The following PCF11 variants were observed in gnomAD, a reference collection of about 807,000 sequenced individuals.
PCF11 encodes pre-mRNA cleavage complex 2 protein Pcf11.
In PCF11, 19 loss-of-function variants were observed where a neutral mutation model predicts 166.1. The ratio of observed to expected loss-of-function variants is 0.11; its 90% CI spans 0.08 to 0.17. PCF11 has a LOEUF of 0.17. PCF11 is among the 10% of genes least tolerant of loss of function. The pLI, the probability that PCF11 is intolerant of heterozygous loss-of-function variation, is 1.00. For missense variants in PCF11, 1,565 were observed against 1,855.5 expected (o/e 0.84, Z 2.88); for synonymous variants, 663 against 644.1 (o/e 1.03, Z -0.44).
At chr11:83,160,520 TCTTTA>T (rs1397163229) in intron 1 of PCF11, among the ~76,000 whole-genome samples, 1 of 151,958 alleles carries the variant, frequency 6.6e-6, no homozygotes, top group African/African-American at 2.4e-5. Flanking sequence ...GGGCAACATT[TCTTTA>T]CTTTGGAAAG....
chr11:83,166,843 G>A (rs529126167), intron 5 of PCF11, 129 bp downstream of exon 5: 79 of 805,892 alleles, frequency 9.8e-5, no homozygotes, highest in Middle Eastern at 3.8e-4. Flanking sequence ...TTACATCTCT[G>A]TGGGTTAAAT....
In PCF11 at chr11:83,169,630, C is replaced by T. The variant is rs772417794; in HGVS notation, c.3295C>T (p.His1099Tyr). 1.9e-6 allele frequency: 3 copies of T among 1,613,846 alleles called. No homozygotes were observed. In the Admixed American group the frequency reaches 5.0e-5, roughly 27 times the overall value. The change falls in exon 8 of 16, where the codon CAT (histidine) becomes TAT (tyrosine). Residue 1099 changes from histidine to tyrosine, a missense_variant. Physicochemically the swap from His to Tyr is moderately conservative, Grantham distance 83 (BLOSUM62 2). Coordinates refer to ENST00000298281, the Ensembl canonical transcript of PCF11. ...ACCTCAAAGATTTGATGGTCCACAA[C>T]ATCAGCAAGCATCAAGGTTTGATAT...
intron 11 of PCF11, among the ~76,000 whole-genome samples, chr11:83,179,289 A>G (rs1861001534): frequency 6.6e-6 from 1 of 151,244 alleles, no homozygotes; most frequent in Admixed American, 6.6e-5. Flanking sequence ...TCACTCTGTC[A>G]CCCAGGCTAG....
At chr11:83,180,982 T>TA (rs749780283) in intron 11 of PCF11, 26 bp from the exon 12 acceptor site, 3 of 1,382,544 alleles carry the variant, frequency 2.2e-6, no homozygotes, top group Non-Finnish European at 3.0e-6. Flanking sequence ...TTATCAACAC[T>TA]AAAGATTATT....
At chr11:83,163,652 A>G in intron 2 of PCF11, 27 bp from the exon 3 acceptor site, 1 of 929,978 alleles carries the variant, frequency 1.1e-6, no homozygotes, top group Non-Finnish European at 1.5e-6. Flanking sequence ...TAACTTAACA[A>G]GCCATAGAAT....
chr11:83,181,764 C>A, intron 12 of PCF11, 90 bp from the exon 13 acceptor site: 1 of 800,724 alleles, frequency 1.2e-6, no homozygotes, highest in Non-Finnish European at 1.9e-6. Context: ...AAATAGTATA[C>A]CCCTACCTTT....
chr11:83,160,220 C>T (rs1205117700), intron 1 of PCF11, among the ~76,000 whole-genome samples: 2 of 151,652 alleles, frequency 1.3e-5, no homozygotes, highest in Admixed American at 6.6e-5. Context: ...ATTGTGTACT[C>T]CAGAACTGTG....
exon 5 of PCF11, chr11:83,165,691 C>G (rs778101114): frequency 1.9e-6 from 3 of 1,613,520 alleles, no homozygotes; most frequent in Non-Finnish European, 2.5e-6. Context: ...CCCCCTATGG[C>G]AGTTAAAGCT....
At chr11:83,182,371 A>C in intron 13 of PCF11, 28 bp from the exon 14 acceptor site, 1 of 1,178,944 alleles carries the variant, frequency 8.5e-7, no homozygotes, top group South Asian at 1.3e-5. Context: ...CTATTATGTA[A>C]ATTTCATTTT....
rs778990536 is a variant in PCF11 at position 83,168,876 on chromosome 11, G to A, written c.2541G>A (p.Arg847=). Residue 847 remains arginine, a synonymous_variant, in exon 8 of 16, where the codon CGG becomes CGA. Coordinates refer to ENST00000298281, the Ensembl canonical transcript of PCF11. ...GTCAAGCAGGAGGAGGTGGTTTTCG[G>A]TTTGAAGGTTCCCCTGGTCTGAGGT... is the stretch of plus-strand genomic sequence containing the variant. 5 of 1,613,552 alleles carry A rather than the reference G, an allele frequency of 3.1e-6. No homozygotes were observed. The South Asian group carries it at 5.5e-5, about 18-fold the overall frequency.
At chr11:83,166,699 G>C in exon 5 of PCF11, 1 of 1,596,554 alleles carries the variant, frequency 6.3e-7, no homozygotes, top group Non-Finnish European at 8.5e-7. Context: ...AAATCTGGTT[G>C]GGAAGAAAAT....
chr11:83,161,699 T>TA (rs1032030455), intron 2 of PCF11, among the ~76,000 whole-genome samples: 3 of 152,190 alleles, frequency 2.0e-5, no homozygotes, highest in Admixed American at 2.0e-4. Context: ...TTGTGCTTTT[T>TA]AAAAAAATTG....
chr11:83,176,624 G>T (rs1230458065), intron 9 of PCF11, among the ~76,000 whole-genome samples: 2 of 151,990 alleles, frequency 1.3e-5, no homozygotes, highest in Non-Finnish European at 2.9e-5. Flanking sequence ...CTTGTAGGTA[G>T]GAATTGAACA....
chr11:83,158,071 AGGG>A (rs920371631), intron 1 of PCF11: 3 of 157,632 alleles, frequency 1.9e-5, no homozygotes, highest in African/African-American at 7.2e-5. Flanking sequence ...AAGGAGGTGA[AGGG>A]GGACCTGGGA....
intron 8 of PCF11, 110 bp from the exon 9 acceptor site, chr11:83,171,708 T>C: frequency 2.9e-6 from 2 of 690,974 alleles, no homozygotes; most frequent in Non-Finnish European, 5.2e-6. Context: ...AAATCTTTAT[T>C]TATAAGCCAG....
At chr11:83,173,719 CTTTTTTT>C (rs869126679) in intron 9 of PCF11, among the ~76,000 whole-genome samples, 23 of 59,068 alleles carry the variant, frequency 3.9e-4, no homozygotes, top group Admixed American at 6.6e-4. Context: ...TTCTTTCTTT[CTTTTTTT>C]TTTTTTTTTT....
intron 11 of PCF11, among the ~76,000 whole-genome samples, chr11:83,179,109 CT>C (rs143789101): frequency 0.099 from 14,542 of 147,556 alleles, 810 homozygotes; most frequent in Middle Eastern, 0.22. Flanking sequence ...ATGTAAAATC[CT>C]TTTTTTTTTC....
chr11:83,182,517 G>A (rs779276909), intron 14 of PCF11, 26 bp downstream of exon 14: 1 of 1,116,720 alleles, frequency 9.0e-7, no homozygotes, highest in South Asian at 1.3e-5. Flanking sequence ...TTATAAGGAA[G>A]TGTTAAGATT....
chr11:83,167,484 C>T lies in PCF11; in HGVS notation c.2071C>T (p.Gln691Ter). 6.2e-7 allele frequency: 1 copy of T among 1,609,698 alleles called. No homozygotes were observed. Among genetic ancestry groups the T allele is most frequent in the Non-Finnish European group, 8.5e-7 (1 of 1,178,394 alleles). The change falls in exon 7 of 16, where the codon CAG (glutamine) becomes TAG (stop). Residue 691 changes from glutamine (Q) to a stop codon, truncating the protein, a stop_gained. Coordinates refer to ENST00000298281, the Ensembl canonical transcript of PCF11. LOFTEE classifies it high-confidence loss of function. This position sits in a 1 kb window ranked among gnomAD's most constrained non-coding sequence, Gnocchi z 4.2. ...CCTTGTTGTTGTGCATCAAATTCGACAGCTATTTCAGTATCAAGAAGGTAA... is the reference window on the plus strand; with the variant it reads ...CCTTGTTGTTGTGCATCAAATTCGATAGCTATTTCAGTATCAAGAAGGTAA...
Sources: allele counts gnomAD v4.1 joint callset (sites outside exome capture counted in the v4.1 genomes callset), GRCh38; gene constraint gnomAD v4.1.1; non-coding constraint Gnocchi (gnomAD v3.1); transcripts MANE v1.5; gene names NCBI Gene and HGNC (gene_info 2026-07-23, HGNC 2026-07-21).